The following SPATA22 variants were observed in gnomAD, a reference collection of about 807,000 sequenced individuals.
The protein encoded by SPATA22 is spermatogenesis-associated protein 22.
SPATA22 carries 29 observed loss-of-function variants against 47.8 expected under a neutral mutation model. That is an observed-to-expected ratio of 0.61 (90% CI 0.45 to 0.83). The LOEUF (loss-of-function observed/expected upper bound fraction) is 0.83. Among genes scored for constraint, SPATA22 ranks in the 40% least tolerant of loss-of-function variants. The pLI is 0.00. For synonymous variants in SPATA22, 133 were observed against 140.9 expected, an observed-to-expected ratio of 0.94 and a Z score of 0.40; for missense variants, 410 against 421.7, an observed-to-expected ratio of 0.97 and a Z score of 0.24.
Position 3,443,288 on chromosome 17 carries a change from T to C in SPATA22, c.803-17A>G, listed in dbSNP as rs1310224856. 1 of 1,552,994 alleles carries C rather than the reference T, an allele frequency of 6.4e-7. No homozygotes were observed. Among genetic ancestry groups the C allele is most frequent in the Non-Finnish European group, 8.7e-7 (1 of 1,143,804 alleles). On this transcript the variant is annotated splice_polypyrimidine_tract_variant and intron_variant, in intron 7 of 8. Transcript: ENST00000572969. ...CAAGAACAGCTAAGCAATATTGAAATGGGGGAAAAAATGAATGTTGGTAAA... is the reference window on the plus strand; with the variant it reads ...CAAGAACAGCTAAGCAATATTGAAACGGGGGAAAAAATGAATGTTGGTAAA...
intron 3 of SPATA22, among the ~76,000 whole-genome samples, chr17:3,465,171 C>CT (rs2073266734): frequency 7.4e-6 from 1 of 135,602 alleles, no homozygotes; most frequent in African/African-American, 2.7e-5. Flanking sequence ...GTCAGCCCCC[C>CT]GCCCGGCCAG....
intron 3 of SPATA22, among the ~76,000 whole-genome samples, chr17:3,466,279 T>C (rs1198324745): frequency 6.6e-6 from 1 of 151,596 alleles, no homozygotes; most frequent in Non-Finnish European, 1.5e-5. Context: ...AAAATGTAAA[T>C]GTATATAACC....
chr17:3,488,395 G>A lies in SPATA22; in HGVS notation c.-73-18997C>T, dbSNP rs1360224430. Among the ~76,000 whole-genome samples, 3 of 152,160 alleles carry A rather than the reference G, an allele frequency of 2.0e-5. No homozygotes were observed. The highest frequency in any genetic ancestry group is 1.9e-4 in the East Asian group (1 of 5,192). On this transcript the variant is annotated intron_variant, in intron 1 of 8. Coordinates refer to the SPATA22 transcript ENST00000541913. This position sits in a 1 kb window ranked among gnomAD's most constrained non-coding sequence, Gnocchi z 6.1. ...AACCAGGCCAAGCACGACGGCTCAC[G>A]CCTGTAATCCCAGCATTTGGGGAAG...
intron 1 of SPATA22, chr17:3,481,932 G>C: frequency 2.4e-6 from 2 of 820,536 alleles, no homozygotes; most frequent in South Asian, 3.7e-5. Context: ...AGCCAGGCTT[G>C]GTGGTTGGGG....
chr17:3,459,839 C>A (rs1252119318), intron 5 of SPATA22, among the ~76,000 whole-genome samples: 2 of 152,198 alleles, frequency 1.3e-5, no homozygotes, highest in African/African-American at 4.8e-5. Flanking sequence ...TTCCTCATAT[C>A]TTTGGCCATC....
chr17:3,508,907 A>G (rs77535250), intron 1 of SPATA22, among the ~76,000 whole-genome samples: 1 of 150,698 alleles, frequency 6.6e-6, no homozygotes, highest in African/African-American at 2.4e-5. Context: ...TAAAAAAAAA[A>G]AAAAAAAAAA....
intron 7 of SPATA22, among the ~76,000 whole-genome samples, chr17:3,443,521 G>A (rs2072644051): frequency 6.6e-6 from 1 of 151,924 alleles, no homozygotes; most frequent in South Asian, 2.1e-4. Context: ...GACAATAAAT[G>A]GCCATCTGAA....
At chr17:3,476,237 C>A, upstream of SPATA22, 1 of 1,614,058 alleles carries the variant, frequency 6.2e-7, no homozygotes, top group Non-Finnish European at 8.5e-7. Context: ...ATGAGCTAAC[C>A]GGAGTATTTC....
intron 1 of SPATA22, among the ~76,000 whole-genome samples, chr17:3,493,553 T>A (rs1225307703): frequency 8.1e-5 from 7 of 86,344 alleles, no homozygotes; most frequent in Non-Finnish European, 1.2e-4. Context: ...AGAGCGAGGT[T>A]CCATCTCAAA....
chr17:3,499,232 C>T, intron 1 of SPATA22: 1 of 660,572 alleles, frequency 1.5e-6, no homozygotes, highest in East Asian at 2.8e-5. Flanking sequence ...AAGCACATTT[C>T]TTAAATTAAT....
chr17:3,473,454 T>C (rs2073477580), upstream of SPATA22, among the ~76,000 whole-genome samples: 6 of 152,218 alleles, frequency 3.9e-5, no homozygotes, highest in South Asian at 1.2e-3. Context: ...AGGGATCTAC[T>C]GGACAGCCAT....
chr17:3,449,176 T>G, intron 5 of SPATA22, 27 bp from the exon 6 acceptor site: 1 of 1,453,976 alleles, frequency 6.9e-7, no homozygotes. Flanking sequence ...AAAAAGCATT[T>G]GTTTCTATAT....
chr17:3,475,268 G>T (rs1324590752), upstream of SPATA22: 2 of 152,150 alleles, frequency 1.3e-5, no homozygotes, highest in Non-Finnish European at 2.9e-5. Context: ...GAGTAACACA[G>T]TCCAGTGGAG....
intron 1 of SPATA22, among the ~76,000 whole-genome samples, chr17:3,506,986 A>AGGAG (rs2150770321): frequency 7.1e-6 from 1 of 140,948 alleles, no homozygotes; most frequent in South Asian, 2.3e-4. Context: ...GAAGGAAAAG[A>AGGAG]GAAGGAAGGG....
intron 6 of SPATA22, among the ~76,000 whole-genome samples, chr17:3,448,331 C>T (rs1567593554): frequency 6.6e-6 from 1 of 152,166 alleles, no homozygotes; most frequent in African/African-American, 2.4e-5. Flanking sequence ...AGTGTCCATT[C>T]ATTTATGTAT....
chr17:3,482,161 G>A (rs2073642567), intron 1 of SPATA22, among the ~76,000 whole-genome samples: 1 of 152,104 alleles, frequency 6.6e-6, no homozygotes, highest in African/African-American at 2.4e-5. Context: ...TGGTCAATTT[G>A]TTAAAACCAA....
intron 6 of SPATA22, among the ~76,000 whole-genome samples, chr17:3,448,088 G>A (rs564634848): frequency 1.3e-5 from 2 of 152,302 alleles, no homozygotes; most frequent in African/African-American, 4.8e-5. Flanking sequence ...TACAGGTATA[G>A]GGAAGAATAT....
In SPATA22 at chr17:3,498,998, T is replaced by C. The variant is rs370915844; in HGVS notation, c.-74+14414A>G. 7 of 1,614,230 alleles carry C rather than the reference T, an allele frequency of 4.3e-6. No homozygotes were observed. In the East Asian group the frequency reaches 6.7e-5, roughly 15 times the overall value. ...GTACCGTGTACCCCGTGTTTGTGAA[T>C]GAGGCCGCATATTACGAAAAGAAAG... is the stretch of plus-strand genomic sequence containing the variant. On this transcript the variant is annotated intron_variant, in intron 1 of 8. Transcript: ENST00000541913.
At chr17:3,499,163 T>C in intron 1 of SPATA22, 1 of 1,512,242 alleles carries the variant, frequency 6.6e-7, no homozygotes, top group South Asian at 1.2e-5. Context: ...AGAGTAGGGT[T>C]GTGCCTTATT....
Sources: allele counts gnomAD v4.1 joint callset (sites outside exome capture counted in the v4.1 genomes callset), GRCh38; gene constraint gnomAD v4.1.1; non-coding constraint Gnocchi (gnomAD v3.1); transcripts MANE v1.5; gene names NCBI Gene and HGNC (gene_info 2026-07-23, HGNC 2026-07-21).